Variants in COL9A3 observed in about 807,000 individuals in gnomAD.
COL9A3 encodes the protein collagen alpha-3(IX) chain.
COL9A3 carries 82 observed loss-of-function variants against 110.2 expected under a neutral mutation model. The ratio of observed to expected loss-of-function variants is 0.74; its 90% CI spans 0.62 to 0.89. COL9A3 has a LOEUF of 0.89. Among genes scored for constraint, COL9A3 ranks in the 40% least tolerant of loss-of-function variants. The probability of loss-of-function intolerance (pLI) is 0.00; values close to 1 mark genes in which losing one functional copy is unlikely to be tolerated. For synonymous variants in COL9A3, 494 were observed against 403.8 expected, an observed-to-expected ratio of 1.22 and a Z score of -2.68; for missense variants, 1,066 against 981.3, an observed-to-expected ratio of 1.09 and a Z score of -1.15.
chr20:62,820,031 C>A, intron 5 of COL9A3, 49 bp downstream of exon 5: 1 of 1,590,478 alleles, frequency 6.3e-7, no homozygotes, highest in Non-Finnish European at 8.6e-7. Flanking sequence ...GGTGAGGTCC[C>A]CTGGCCACCT....
intron 12 of COL9A3, 113 bp from the exon 13 acceptor site, chr20:62,825,704 G>A (rs2063546788): frequency 1.8e-6 from 2 of 1,098,258 alleles, no homozygotes; most frequent in Non-Finnish European, 2.7e-6. Flanking sequence ...AGGCCCAGCT[G>A]TGAAGGGGGC....
At chr20:62,826,292 G>C (rs1294687654) in intron 14 of COL9A3, 35 bp downstream of exon 14, 1 of 1,537,342 alleles carries the variant, frequency 6.5e-7, no homozygotes, top group Non-Finnish European at 8.8e-7. Flanking sequence ...GGCCGGCCAG[G>C]TGGCTGGGGG....
intron 25 of COL9A3, 70 bp from the exon 26 acceptor site, chr20:62,832,948 AGG>A: frequency 7.3e-7 from 1 of 1,362,680 alleles, no homozygotes; most frequent in Non-Finnish European, 1.1e-6. Context: ...GCTTGAGAGC[AGG>A]GACTTTAAGG....
At chr20:62,832,890 G>A (rs1037329309) in intron 25 of COL9A3, 130 bp from the exon 26 acceptor site, 40 of 833,228 alleles carry the variant, frequency 4.8e-5, no homozygotes, top group Middle Eastern at 2.3e-4. Context: ...CAGCCCTGGG[G>A]CCTGGGCTTT....
intron 13 of COL9A3, 141 bp downstream of exon 13, chr20:62,826,011 G>C: frequency 8.8e-7 from 1 of 1,138,892 alleles, no homozygotes; most frequent in South Asian, 1.4e-5. Context: ...GCGCGACCTG[G>C]CTGGGGGTCC....
chr20:62,820,634 C>G (rs1991088950), intron 5 of COL9A3, among the ~76,000 whole-genome samples: 1 of 152,202 alleles, frequency 6.6e-6, no homozygotes, highest in African/African-American at 2.4e-5. Flanking sequence ...GAAACAGTAG[C>G]TGCTGGCAGC....
At chr20:62,836,655 C>A in intron 29 of COL9A3, 123 bp downstream of exon 29, 1 of 1,076,356 alleles carries the variant, frequency 9.3e-7, no homozygotes, top group Non-Finnish European at 1.3e-6. Context: ...CTAGCACTCA[C>A]CCCGCCTGTT....
intron 10 of COL9A3, 41 bp downstream of exon 10, chr20:62,822,673 C>T (rs747117637): frequency 6.2e-6 from 10 of 1,602,094 alleles, no homozygotes; most frequent in Non-Finnish European, 8.5e-6. Context: ...CTGGGGGGTG[C>T]CTACCTTGGG....
intron 5 of COL9A3, among the ~76,000 whole-genome samples, 165 bp downstream of exon 5, chr20:62,820,147 G>A (rs1035474546): frequency 2.6e-5 from 4 of 152,170 alleles, no homozygotes; most frequent in African/African-American, 9.7e-5. Flanking sequence ...CAAGTGGCCA[G>A]TCCCCTGTGC....
intron 24 of COL9A3, 50 bp downstream of exon 24, chr20:62,830,638 T>TTCCACAGTCCCCCACCCCCC: frequency 9.7e-7 from 1 of 1,035,592 alleles, no homozygotes; most frequent in Non-Finnish European, 1.3e-6. Context: ...TCTACCCATG[T>TTCCACAGTCCCCCACCCCCC]ACCACAGTCC....
chr20:62,817,348 GCCT>G, intron 1 of COL9A3: 1 of 485,718 alleles, frequency 2.1e-6, no homozygotes, highest in Non-Finnish European at 3.5e-6. Flanking sequence ...CGGCGCCGCC[GCCT>G]CCTCTGGGAG....
rs761258855 is a variant in COL9A3, at chr20:62,840,930, T to C, written c.*198T>C. ...CCTGACAGCATACCTCAAAAGGCCC[T>C]AGCTAATAAACCTGTAAGCCCAGCA... On this transcript the variant is annotated 3_prime_UTR_variant, in exon 32 of 32. Coordinates refer to ENST00000649368, the MANE Select transcript of COL9A3 (RefSeq NM_001853.4). 3.9e-4 allele frequency: 238 copies of C among 608,638 alleles called. No homozygotes were observed. The highest frequency in any genetic ancestry group is 3.1e-4 in the Non-Finnish European group (105 of 337,288). The allele number at this position is 608,638 out of a possible 1,614,324, so 37.7% of individuals were successfully genotyped here. A position where few individuals can be genotyped will look rare whatever the true frequency, so the allele number is the denominator to read the frequency against.
Position 62,830,509 on chromosome 20 carries a change from T to A in COL9A3, c.1216-8T>A, listed in dbSNP as rs1411792943. 2 of 1,607,740 alleles carry A rather than the reference T, an allele frequency of 1.2e-6. No homozygotes were observed. Among genetic ancestry groups the A allele is most frequent in the Non-Finnish European group, 1.7e-6 (2 of 1,178,186 alleles). ...TGGGCACTGACGAGCCAGGACCTCC[T>A]TCCCCAGGGCCAGAAGGGCAGCATG... On this transcript the variant is annotated splice_polypyrimidine_tract_variant and splice_region_variant and intron_variant, in intron 23 of 31. Transcript: ENST00000649368.
chr20:62,818,201 C>T (rs573180891), intron 2 of COL9A3, among the ~76,000 whole-genome samples: 24 of 152,290 alleles, frequency 1.6e-4, no homozygotes, highest in Middle Eastern at 3.4e-3. Flanking sequence ...GGCCTGTCCA[C>T]GCTGTGTGGT....
Position 62,824,521 on chromosome 20 carries a change from G to A in COL9A3, c.576+20G>A, listed in dbSNP as rs761514701. ...TTCAAGGTGAGTCACGGGTGACTGG[G>A]ACCCAAGCACCACCCTGTGCTGGGC... On this transcript the variant is annotated intron_variant, in intron 11 of 31. Transcript: ENST00000649368. 7.6e-6 allele frequency: 12 copies of A among 1,575,924 alleles called. No individual in the cohort carries two copies. The South Asian group carries it at 1.3e-4, about 17-fold the overall frequency.
At chr20:62,824,725 G>A (rs541444805) in intron 11 of COL9A3, among the ~76,000 whole-genome samples, 1 of 152,210 alleles carries the variant, frequency 6.6e-6, no homozygotes, top group African/African-American at 2.4e-5. Context: ...GACTGCGGGG[G>A]AGAGCTAGCC....
At chr20:62,824,580 G>A (rs567821554) in intron 11 of COL9A3, 79 bp downstream of exon 11, 2 of 1,432,824 alleles carry the variant, frequency 1.4e-6, no homozygotes, top group African/African-American at 1.4e-5. Flanking sequence ...GGCTGTGGAG[G>A]TGGCGGGTCC....
At chr20:62,831,963 G>A (rs943435572) in intron 24 of COL9A3, 191 bp from the exon 25 acceptor site, 2 of 676,076 alleles carry the variant, frequency 3.0e-6, no homozygotes, top group African/African-American at 3.6e-5. Context: ...GCTGGACAGA[G>A]CCATCGGGCC....
At chr20:62,836,359 G>A in intron 28 of COL9A3, 26 bp downstream of exon 28, 1 of 1,613,894 alleles carries the variant, frequency 6.2e-7, no homozygotes, top group Non-Finnish European at 8.5e-7. Flanking sequence ...GGCTTTTCCA[G>A]CTTTCACAGG....
Sources: gnomAD v4.1 joint callset for allele counts (sites outside exome capture counted in the v4.1 genomes callset) on GRCh38, gnomAD v4.1.1 for gene constraint, MANE v1.5 for transcripts, NCBI Gene and HGNC (gene_info 2026-07-23, HGNC 2026-07-21) for gene names.